The following TTBK2 variants were observed in gnomAD, a reference collection of about 807,000 sequenced individuals.
The protein encoded by TTBK2 is tau-tubulin kinase 2.
TTBK2 carries 28 observed loss-of-function variants against 110.8 expected under a neutral mutation model. That is an observed-to-expected ratio of 0.25 (90% confidence interval 0.19 to 0.35). TTBK2 has a LOEUF of 0.35. Among genes scored for constraint, TTBK2 ranks in the 10% least tolerant of loss-of-function variants. The probability of loss-of-function intolerance (pLI) is 1.00; values close to 1 mark genes in which losing one functional copy is unlikely to be tolerated. For synonymous variants in TTBK2, 532 were observed against 527.3 expected (o/e 1.01, Z -0.12); for missense variants, 1,369 against 1,500.3 (o/e 0.91, Z 1.45).
Position 42,745,719 on chromosome 15 carries a change from T to C in TTBK2, c.*76A>G. Reference sequence around the variant, plus strand: ...GAAGATCAACACTGATTTTTTTACATAGAAAGTACAGGGACACACATGCAT... The same window carrying C: ...GAAGATCAACACTGATTTTTTTACACAGAAAGTACAGGGACACACATGCAT... On this transcript the variant is annotated 3_prime_UTR_variant, in exon 15 of 15. Transcript: ENST00000267890. 2.6e-6 allele frequency: 4 copies of C among 1,542,652 alleles called. No individual in the cohort carries two copies. Among genetic ancestry groups the C allele is most frequent in the Non-Finnish European group, 2.7e-6 (3 of 1,116,902 alleles).
intron 14 of TTBK2, among the ~76,000 whole-genome samples, chr15:42,749,133 G>A (rs1221040993): frequency 6.6e-6 from 1 of 152,160 alleles, no homozygotes; most frequent in Non-Finnish European, 1.5e-5. Context: ...AGATGATTGT[G>A]GCTTTGTTTC....
At chr15:42,778,780 T>A (rs1010863524) in intron 11 of TTBK2, among the ~76,000 whole-genome samples, 1 of 152,132 alleles carries the variant, frequency 6.6e-6, no homozygotes, top group East Asian at 1.9e-4. Flanking sequence ...AACATATGTC[T>A]AACTGGAGTC....
intron 1 of TTBK2, among the ~76,000 whole-genome samples, chr15:42,918,154 C>T (rs1047602383): frequency 1.3e-5 from 2 of 152,082 alleles, no homozygotes; most frequent in Non-Finnish European, 2.9e-5. Context: ...CAGATCACAG[C>T]AGCCTCAACC....
chr15:42,822,711 T>G lies in TTBK2; in HGVS notation c.537+5217A>C, dbSNP rs113377652. ...AGGTAATTGGAATTCATAAAATATT[T>G]TTAAGCTGGAAAGTAACAATTGAGA... On this transcript the variant is annotated intron_variant, in intron 6 of 14. Coordinates refer to ENST00000267890, the MANE Select transcript of TTBK2 (RefSeq NM_173500.4). Among the ~76,000 whole-genome samples, 7 of 152,340 alleles carry G rather than the reference T, an allele frequency of 4.6e-5. 2 individuals are homozygous for G. The highest frequency in any genetic ancestry group is 1.7e-4 in the African/African-American group (7 of 41,574).
chr15:42,805,981 A>T (rs1173015739), intron 9 of TTBK2, among the ~76,000 whole-genome samples: 1 of 152,168 alleles, frequency 6.6e-6, no homozygotes, highest in South Asian at 2.1e-4. Flanking sequence ...ACTGATTTTT[A>T]GGCCAGGCAT....
chr15:42,902,232 C>G (rs1166927272), intron 1 of TTBK2, among the ~76,000 whole-genome samples: 3 of 147,392 alleles, frequency 2.0e-5, no homozygotes, highest in African/African-American at 7.5e-5. Flanking sequence ...AAAAAAAAAC[C>G]AACCACCGCC....
intron 11 of TTBK2, among the ~76,000 whole-genome samples, chr15:42,781,715 TA>T (rs1890186507): frequency 6.6e-6 from 1 of 152,194 alleles, no homozygotes; most frequent in African/African-American, 2.4e-5. Context: ...CACTGATTAC[TA>T]GATTAACTCC....
chr15:42,869,079 G>C (rs990910637), intron 3 of TTBK2, among the ~76,000 whole-genome samples: 4 of 151,756 alleles, frequency 2.6e-5, no homozygotes, highest in African/African-American at 7.3e-5. Context: ...TCTTACAATG[G>C]CACTGCAAAT....
At chr15:42,779,242 A>G (rs1183835953) in intron 11 of TTBK2, among the ~76,000 whole-genome samples, 1 of 152,100 alleles carries the variant, frequency 6.6e-6, no homozygotes, top group Non-Finnish European at 1.5e-5. Context: ...TGTCTCTAAT[A>G]AAAATACACA....
intron 6 of TTBK2, among the ~76,000 whole-genome samples, chr15:42,824,218 C>T (rs947947752): frequency 1.4e-4 from 21 of 152,158 alleles, no homozygotes; most frequent in African/African-American, 5.1e-4. Flanking sequence ...AATCAAATTT[C>T]AACATCAGAT....
intron 1 of TTBK2, among the ~76,000 whole-genome samples, chr15:42,888,956 C>T (rs1289502566): frequency 6.6e-6 from 1 of 152,176 alleles, no homozygotes; most frequent in African/African-American, 2.4e-5. Flanking sequence ...TCAATCTCTT[C>T]TCACACAAGA....
rs1276132379 is a variant in TTBK2 at position 42,919,901 on chromosome 15, A to G, written c.-68+537T>C. The G allele has an allele frequency of 5.3e-6, 4 of 750,358 alleles. 1 individual carries two copies. The highest frequency in any genetic ancestry group is 1.2e-4 in the South Asian group (2 of 16,480). 46.5% of individuals were successfully genotyped at this position (750,358 alleles called of 1,614,324 possible). On this transcript the variant is annotated intron_variant, in intron 1 of 14. Coordinates refer to ENST00000267890, the MANE Select transcript of TTBK2 (RefSeq NM_173500.4). The stretch of plus-strand genomic sequence containing the variant: ...CCTCCCACAGCATCCCAGGGTGTCA[A>G]CATCATCTCTGCCACAGCAAATGAC...
intron 10 of TTBK2, among the ~76,000 whole-genome samples, chr15:42,785,857 T>C (rs1890391347): frequency 6.6e-6 from 1 of 152,116 alleles, no homozygotes. Context: ...TTCAGTACAT[T>C]ATACTGACTC....
intron 10 of TTBK2, among the ~76,000 whole-genome samples, chr15:42,788,253 C>G (rs1890494601): frequency 6.6e-6 from 1 of 152,070 alleles, no homozygotes; most frequent in Non-Finnish European, 1.5e-5. Flanking sequence ...GCAGTGTGAT[C>G]AGATAATGTA....
In TTBK2 at chr15:42,842,668, G is replaced by A. The variant is rs564768122; in HGVS notation, c.218-2235C>T. On this transcript the variant is annotated intron_variant, in intron 3 of 14. Coordinates refer to ENST00000267890, the MANE Select transcript of TTBK2 (RefSeq NM_173500.4). Reference sequence around the variant, plus strand: ...TGGGAAGCTAAGGTGGGAGGATTGCGTGAGGCCAGGAGTTTGAGACCAGCC... The same window carrying A: ...TGGGAAGCTAAGGTGGGAGGATTGCATGAGGCCAGGAGTTTGAGACCAGCC... 3.0e-3 allele frequency among the ~76,000 whole-genome samples: 450 copies of A among 151,560 alleles called. 1 individual carries two copies. Among genetic ancestry groups the A allele is most frequent in the Non-Finnish European group, 4.7e-3 (322 of 67,882 alleles).
chr15:42,913,115 G>C (rs1286537299), intron 1 of TTBK2, among the ~76,000 whole-genome samples: 3 of 125,676 alleles, frequency 2.4e-5, no homozygotes, highest in Non-Finnish European at 3.2e-5. Flanking sequence ...CTGGGCGACA[G>C]AGCGAGACTC....
intron 10 of TTBK2, among the ~76,000 whole-genome samples, chr15:42,785,680 C>T (rs1890381736): frequency 6.6e-6 from 1 of 151,890 alleles, no homozygotes; most frequent in Admixed American, 6.6e-5. Flanking sequence ...TTTTCTAGTT[C>T]ACAGTTTTCC....
rs2061766517 is a variant in TTBK2 at position 42,744,247 on chromosome 15, TAAAG to T, written c.*1544_*1547del. On this transcript the variant is annotated 3_prime_UTR_variant, in exon 15 of 15. Coordinates refer to ENST00000267890, the MANE Select transcript of TTBK2 (RefSeq NM_173500.4). ...GTTTTTTTAAAAAGCTCAACACAGATAAAGAGAACAAGAGAAGTTCAGTGCAGCT... is the reference window on the plus strand; with the variant it reads ...GTTTTTTTAAAAAGCTCAACACAGATAGAACAAGAGAAGTTCAGTGCAGCT... The T allele has an allele frequency of 6.6e-6, 1 of 152,210 alleles. No individual in the cohort carries two copies. Among genetic ancestry groups the T allele is most frequent in the African/African-American group, 2.4e-5 (1 of 41,456 alleles). The allele number at this position is 152,210 out of a possible 1,614,324, so 9.4% of individuals were successfully genotyped here.
intron 3 of TTBK2, among the ~76,000 whole-genome samples, chr15:42,859,440 G>C (rs918619123): frequency 6.6e-6 from 1 of 152,076 alleles, no homozygotes; most frequent in African/African-American, 2.4e-5. Context: ...TAATGGATCT[G>C]GCGGAGAGGA....
Sources: gnomAD v4.1 joint callset for allele counts (sites outside exome capture counted in the v4.1 genomes callset) on GRCh38, gnomAD v4.1.1 for gene constraint, MANE v1.5 for transcripts, NCBI Gene and HGNC (gene_info 2026-07-23, HGNC 2026-07-21) for gene names.